Variants in MMP24 observed in about 807,000 individuals in gnomAD.
MMP24 encodes the protein matrix metalloproteinase-24.
A neutral mutation model predicts 62.8 loss-of-function variants in MMP24; 25 were observed. The observed-to-expected ratio is 0.40, with a 90% confidence interval of 0.29 to 0.56. The LOEUF is 0.56. MMP24 is among the 20% of genes least tolerant of loss of function. The pLI, the probability that MMP24 is intolerant of heterozygous loss-of-function variation, is 0.50. For synonymous variants in MMP24, 319 were observed against 350.5 expected, an observed-to-expected ratio of 0.91 and a Z score of 1.00; for missense variants, 634 against 853.6, an observed-to-expected ratio of 0.74 and a Z score of 3.21.
intron 4 of MMP24, among the ~76,000 whole-genome samples, chr20:35,255,179 A>C (rs369609407): frequency 1.3e-5 from 2 of 152,260 alleles, no homozygotes; most frequent in South Asian, 2.1e-4. Flanking sequence ...AAAAATACAA[A>C]AATTATCTGG....
At chr20:35,253,960 C>T (rs1273572003) in intron 3 of MMP24, among the ~76,000 whole-genome samples, 1 of 150,396 alleles carries the variant, frequency 6.6e-6, no homozygotes, top group Non-Finnish European at 1.5e-5. Flanking sequence ...ACCTCTGCCT[C>T]CGGGTTCAAG....
intron 5 of MMP24, among the ~76,000 whole-genome samples, chr20:35,265,997 T>TA (rs2060631844): frequency 6.6e-6 from 1 of 151,550 alleles, no homozygotes; most frequent in Non-Finnish European, 1.5e-5. Context: ...GGGATTCTAA[T>TA]AAAAAAACAC....
rs373921690 is a variant in MMP24, at chr20:35,254,490, C to T, written c.553C>T (p.Arg185Trp). 38 of 1,613,874 alleles carry T rather than the reference C, an allele frequency of 2.4e-5. 1 individual carries two copies. Among genetic ancestry groups the T allele is most frequent in the Middle Eastern group, 1.6e-4 (1 of 6,084 alleles). Residue 185 changes from arginine to tryptophan, a missense_variant, in exon 4 of 9, where the codon CGG (arginine) becomes TGG (tryptophan). Physicochemically the swap from Arg to Trp is moderately radical, Grantham distance 101. Transcript: ENST00000246186. ...CCCAAAAGTGGGTGAGCTAGACACG[C>T]GGAAAGCTATTCGCCAGGCTTTCGA... ...YTPKVGELDT[R>W]KAIRQAFDVW...
At chr20:35,234,361 T>A (rs1283368068) in intron 1 of MMP24, among the ~76,000 whole-genome samples, 1 of 152,174 alleles carries the variant, frequency 6.6e-6, no homozygotes, top group Admixed American at 6.5e-5. Flanking sequence ...GTTTAGTATT[T>A]CCATGTCTAT....
chr20:35,275,779 C>A lies in MMP24; in HGVS notation c.*1170C>A, dbSNP rs1035461352. On this transcript the variant is annotated 3_prime_UTR_variant, in exon 9 of 9. Coordinates refer to ENST00000246186, the MANE Select transcript of MMP24 (RefSeq NM_006690.4). Reference sequence around the variant, plus strand: ...GGCTGGAAGCAGTGTTTTCCCAGAGCTTGGCCCTTGCTGACCTCGCTCACT... The same window carrying A: ...GGCTGGAAGCAGTGTTTTCCCAGAGATTGGCCCTTGCTGACCTCGCTCACT... The A allele has an allele frequency of 1.3e-5, 5 of 379,452 alleles. No homozygotes were observed. The South Asian group carries it at 4.4e-4, about 33-fold the overall frequency. 23.5% of individuals were successfully genotyped at this position (379,452 alleles called of 1,614,324 possible).
rs1040261808 is a variant in MMP24 at position 35,269,853 on chromosome 20, G to C, written c.1288G>C (p.Asp430His). The C allele has an allele frequency of 1.9e-6, 3 of 1,553,538 alleles. No homozygotes were observed. Among genetic ancestry groups the C allele is most frequent in the Non-Finnish European group, 1.7e-6 (2 of 1,148,200 alleles). ...CTGGAAGGGCCTGCCTGCCCGCATC[G>C]ACGCAGCCTATGAAAGGGCCGATGG... ...QFWKGLPARI[D>H]AAYERADGRF... The change falls in exon 7 of 9, where the codon GAC becomes CAC. Residue 430 changes from aspartate (D) to histidine (H), a missense_variant. This residue lies in a region of MMP24 where 399 missense variants were observed against 530.8 expected (regional missense o/e 0.75). Coordinates refer to ENST00000246186, the MANE Select transcript of MMP24 (RefSeq NM_006690.4). This position sits in a 1 kb window ranked among gnomAD's most constrained non-coding sequence, Gnocchi z 4.6.
In MMP24 at chr20:35,269,369, G is replaced by A. The variant is rs1320369313; in HGVS notation, c.1195-391G>A. 6.6e-6 allele frequency among the ~76,000 whole-genome samples: 1 copy of A among 152,222 alleles called. No homozygotes were observed. The highest frequency in any genetic ancestry group is 6.5e-5 in the Admixed American group (1 of 15,274). ...CCTGCTGGATGGAGCCAGCCTCATG[G>A]AGGGCGCTCGGCCCAGGCTCAGTGA... On this transcript the variant is annotated intron_variant, in intron 6 of 8. Coordinates refer to ENST00000246186, the MANE Select transcript of MMP24 (RefSeq NM_006690.4). The surrounding 1 kb of genome is among the most constrained non-coding windows in gnomAD (Gnocchi z 4.6).
intron 3 of MMP24, among the ~76,000 whole-genome samples, chr20:35,253,622 G>A (rs374877090): frequency 1.1e-4 from 16 of 152,034 alleles, no homozygotes; most frequent in African/African-American, 3.1e-4. Flanking sequence ...ACGTTGTTTT[G>A]TGAAGAACCA....
chr20:35,235,692 A>G (rs924558576), intron 1 of MMP24, among the ~76,000 whole-genome samples: 2 of 152,070 alleles, frequency 1.3e-5, no homozygotes, highest in African/African-American at 4.8e-5. Flanking sequence ...GAGCAAGACT[A>G]TGTCTCAAAA....
intron 4 of MMP24, among the ~76,000 whole-genome samples, chr20:35,258,330 G>A (rs2146224386): frequency 6.6e-6 from 1 of 152,206 alleles, no homozygotes; most frequent in South Asian, 2.1e-4. Context: ...CTAATACCCA[G>A]TTCGAGTTCA....
intron 2 of MMP24, among the ~76,000 whole-genome samples, chr20:35,251,348 C>T (rs1448834627): frequency 6.6e-6 from 1 of 152,006 alleles, no homozygotes; most frequent in Non-Finnish European, 1.5e-5. Context: ...TGGTCTCGAA[C>T]TCCTGACCTC....
chr20:35,275,956 C>G lies in MMP24; in HGVS notation c.*1347C>G. 2.5e-6 allele frequency: 1 copy of G among 398,642 alleles called. No homozygotes were observed. 24.7% of individuals were successfully genotyped at this position (398,642 alleles called of 1,614,324 possible). On this transcript the variant is annotated 3_prime_UTR_variant, in exon 9 of 9. Transcript: ENST00000246186. ...TGGCCTGCCTTGCTCCACAGTACGG[C>G]GGAGGCAGCCCTGCTTGTCACTGAG...
intron 2 of MMP24, among the ~76,000 whole-genome samples, chr20:35,250,764 G>T (rs1056742860): frequency 6.6e-6 from 1 of 151,958 alleles, no homozygotes; most frequent in Admixed American, 6.6e-5. Flanking sequence ...GAGTGAGAAG[G>T]GGGAGGTGCT....
At chr20:35,273,468 G>A (rs1302250011) in intron 8 of MMP24, among the ~76,000 whole-genome samples, 1 of 152,114 alleles carries the variant, frequency 6.6e-6, no homozygotes, top group Non-Finnish European at 1.5e-5. Context: ...GAGATGGCTG[G>A]GAAGGAGTCT....
chr20:35,273,632 C>T (rs549511465), intron 8 of MMP24, among the ~76,000 whole-genome samples: 5 of 152,256 alleles, frequency 3.3e-5, no homozygotes, highest in African/African-American at 7.2e-5. Flanking sequence ...GCCCTAGCCA[C>T]GGTGGGAAGC....
rs1450499700 is a variant in MMP24, at chr20:35,269,856, G to A, written c.1291G>A (p.Ala431Thr). The A allele has an allele frequency of 3.9e-6, 6 of 1,553,238 alleles. No homozygotes were observed. The highest frequency in any genetic ancestry group is 1.4e-5 in the African/African-American group (1 of 73,210). The part of the protein sequence containing the change: ...FWKGLPARID[A>T]AYERADGRFV... ...GAAGGGCCTGCCTGCCCGCATCGAC[G>A]CAGCCTATGAAAGGGCCGATGGGAG... The change falls in exon 7 of 9, where the codon GCA becomes ACA. Residue 431 changes from alanine (A) to threonine (T), a missense_variant. Ala to Thr is a moderately conservative substitution (Grantham distance 58). Coordinates refer to ENST00000246186, the MANE Select transcript of MMP24 (RefSeq NM_006690.4). The surrounding 1 kb of genome is among the most constrained non-coding windows in gnomAD (Gnocchi z 4.6).
At position 35,267,473 on chromosome 20, in the gene MMP24, C is replaced by T. The variant is rs534300452; in HGVS notation, c.1194+54C>T. Reference sequence around the variant, plus strand: ...CTGGCCCCTGACCTTTCCTCCTCCTCCCCGACATCATGGAGCTGGGGAAGG... The same window carrying T: ...CTGGCCCCTGACCTTTCCTCCTCCTTCCCGACATCATGGAGCTGGGGAAGG... On this transcript the variant is annotated intron_variant, in intron 6 of 8. Transcript: ENST00000246186. 124 of 1,489,870 alleles carry T rather than the reference C, an allele frequency of 8.3e-5. No homozygotes were observed. In the South Asian group the frequency reaches 1.4e-3, roughly 17 times the overall value. The allele number at this position is 1,489,870 out of a possible 1,614,324, so 92.3% of individuals were successfully genotyped here.
chr20:35,269,410 A>G lies in MMP24; in HGVS notation c.1195-350A>G, dbSNP rs907644206. 1.3e-5 allele frequency among the ~76,000 whole-genome samples: 2 copies of G among 152,060 alleles called. No homozygotes were observed. The highest frequency in any genetic ancestry group is 2.9e-5 in the Non-Finnish European group (2 of 68,008). ...GGCTCAGTGACCACCCCAGCCTCCC[A>G]CTGTCCCGAGGACCAGTCTGGCTGA... On this transcript the variant is annotated intron_variant, in intron 6 of 8. Transcript: ENST00000246186. The surrounding 1 kb of genome is among the most constrained non-coding windows in gnomAD (Gnocchi z 4.6).
At chr20:35,254,121 G>A (rs987854963) in intron 3 of MMP24, among the ~76,000 whole-genome samples, 2 of 152,074 alleles carry the variant, frequency 1.3e-5, no homozygotes, top group African/African-American at 4.8e-5. Flanking sequence ...CGCCAGCCTC[G>A]GCCTCCCAAA....
Sources: gnomAD v4.1 joint callset for allele counts (sites outside exome capture counted in the v4.1 genomes callset) on GRCh38, gnomAD v4.1.1 for gene constraint, gnomAD v4.1.1 regional missense constraint, Gnocchi (gnomAD v3.1) non-coding constraint, MANE v1.5 for transcripts, NCBI Gene and HGNC (gene_info 2026-07-23, HGNC 2026-07-21) for gene names.